Variants in PCDHA2 observed in about 807,000 individuals in gnomAD.
PCDHA2 encodes protocadherin alpha 2.
PCDHA2 carries 58 observed loss-of-function variants against 66.0 expected under a neutral mutation model. That is an observed-to-expected ratio of 0.88 (90% CI 0.71 to 1.09). PCDHA2 has a LOEUF of 1.09. Ranked by LOEUF, PCDHA2 falls within the 50% of genes least tolerant of loss-of-function variation. The pLI, the probability that PCDHA2 is intolerant of heterozygous loss-of-function variation, is 0.00. For missense variants in PCDHA2, 1,267 were observed against 1,242.3 expected, an observed-to-expected ratio of 1.02 and a Z score of -0.30; for synonymous variants, 634 against 554.0, an observed-to-expected ratio of 1.14 and a Z score of -2.03.
chr5:140,841,116 T>G, intron 1 of PCDHA2: 1 of 615,478 alleles, frequency 1.6e-6, no homozygotes, highest in Admixed American at 3.3e-5. Context: ...GTAATTCATG[T>G]AATCATTACC....
At chr5:140,882,854 C>T in intron 1 of PCDHA2, 1 of 1,614,196 alleles carries the variant, frequency 6.2e-7, no homozygotes, top group African/African-American at 1.3e-5. Context: ...ATCACTTGTA[C>T]TGAGGAAAAC....
At chr5:140,915,694 G>A (rs2077262169) in intron 1 of PCDHA2, among the ~76,000 whole-genome samples, 1 of 151,538 alleles carries the variant, frequency 6.6e-6, no homozygotes, top group African/African-American at 2.4e-5. Flanking sequence ...GTATGGTGAT[G>A]CAAGCACTCC....
At chr5:140,871,116 C>T (rs200344692) in intron 1 of PCDHA2, 44 of 1,613,146 alleles carry the variant, frequency 2.7e-5, no homozygotes, top group Non-Finnish European at 3.6e-5. Flanking sequence ...TGGTGGAGAG[C>T]GGACAGGCGC....
At chr5:140,908,013 G>A (rs2073743163) in intron 1 of PCDHA2, among the ~76,000 whole-genome samples, 1 of 152,070 alleles carries the variant, frequency 6.6e-6, no homozygotes, top group Non-Finnish European at 1.5e-5. Context: ...CAAACCACTG[G>A]CTACAGCCCA....
chr5:140,821,502 A>G (rs910748629), intron 1 of PCDHA2: 2 of 346,068 alleles, frequency 5.8e-6, no homozygotes, highest in South Asian at 1.4e-4. Flanking sequence ...ATTGACGAAT[A>G]TAAGCTAAAT....
chr5:140,887,335 A>G (rs1360547523), intron 1 of PCDHA2, among the ~76,000 whole-genome samples: 1 of 152,102 alleles, frequency 6.6e-6, no homozygotes, highest in African/African-American at 2.4e-5. Flanking sequence ...TGACCTCGTG[A>G]TCCACCTGGC....
At position 140,842,891 on chromosome 5, in the gene PCDHA2, G is replaced by T. The variant is rs2150347390; in HGVS notation, c.2388+45539G>T. On this transcript the variant is annotated intron_variant, in intron 1 of 3. Transcript: ENST00000526136. ...CAAGGTGTACGCGCTGCAGCCGCTGGACCACGAGGAGCTAGAGCTGCTGCA... is the reference window on the plus strand; with the variant it reads ...CAAGGTGTACGCGCTGCAGCCGCTGTACCACGAGGAGCTAGAGCTGCTGCA... 1.1e-5 allele frequency: 18 copies of T among 1,594,150 alleles called. No homozygotes were observed. The Admixed American group carries it at 3.0e-4, about 27-fold the overall frequency.
chr5:140,830,345 C>A lies in PCDHA2; in HGVS notation c.2388+32993C>A, dbSNP rs1275311628. ...CGCAGTGGGGAGCTGGTCGTACTCG[C>A]AGCAGAGGCGGCAGAGGGTGTGCTC... On this transcript the variant is annotated intron_variant, in intron 1 of 3. Transcript: ENST00000526136. 1.2e-6 allele frequency: 2 copies of A among 1,613,980 alleles called. No individual in the cohort carries two copies. Among genetic ancestry groups the A allele is most frequent in the African/African-American group, 2.7e-5 (2 of 74,922 alleles).
chr5:140,897,762 A>C (rs572488219), intron 1 of PCDHA2, among the ~76,000 whole-genome samples: 15 of 152,204 alleles, frequency 9.9e-5, no homozygotes, highest in African/African-American at 2.7e-4. Context: ...AGGAATCGCC[A>C]CACTGACTTC....
At chr5:141,007,299 T>C (rs550659664) in intron 3 of PCDHA2, among the ~76,000 whole-genome samples, 9 of 151,686 alleles carry the variant, frequency 5.9e-5, no homozygotes, top group African/African-American at 2.2e-4. Context: ...GCCTGTAATC[T>C]TAGCATTTTG....
chr5:140,869,348 G>A (rs782687742), intron 1 of PCDHA2: 1 of 1,614,066 alleles, frequency 6.2e-7, no homozygotes, highest in South Asian at 1.1e-5. Context: ...CTGCAGAATG[G>A]CATTTTGTTT....
intron 1 of PCDHA2, chr5:140,870,673 C>T (rs1554164562): frequency 1.9e-6 from 3 of 1,612,666 alleles, no homozygotes; most frequent in Non-Finnish European, 1.7e-6. Context: ...GCCGTTGGAC[C>T]ACGAGGAGCT....
chr5:140,814,632 A>G (rs1300426285), intron 1 of PCDHA2: 1 of 152,144 alleles, frequency 6.6e-6, no homozygotes, highest in Non-Finnish European at 1.5e-5. Context: ...TGGTAGTGCA[A>G]TAGGTTTGTT....
chr5:140,907,066 G>A (rs748785005), intron 1 of PCDHA2, among the ~76,000 whole-genome samples: 6 of 152,096 alleles, frequency 3.9e-5, no homozygotes, highest in Non-Finnish European at 8.8e-5. Context: ...TTTACTAGTG[G>A]GTCACTAGGG....
In PCDHA2 at chr5:140,968,789, G is replaced by A. The variant is rs782339889; in HGVS notation, c.2389-10160G>A. 16 of 1,614,060 alleles carry A rather than the reference G, an allele frequency of 9.9e-6. No individual in the cohort carries two copies. In the African/African-American group the frequency reaches 1.7e-4, roughly 18 times the overall value. On this transcript the variant is annotated intron_variant, in intron 1 of 3. Transcript: ENST00000526136. The stretch of plus-strand genomic sequence containing the variant: ...AGAGCCATCACTATCAGCCTCTGTG[G>A]CCATTACAGTAGCTGTGGTGGATAG...
chr5:140,902,258 G>A (rs1389556264), intron 1 of PCDHA2, among the ~76,000 whole-genome samples: 2 of 137,592 alleles, frequency 1.5e-5, no homozygotes, highest in African/African-American at 5.6e-5. Context: ...GGCTGGTCTC[G>A]AACTCCTGGG....
intron 1 of PCDHA2, chr5:140,823,532 C>A (rs138704270): frequency 3.1e-6 from 5 of 1,613,746 alleles, no homozygotes; most frequent in Admixed American, 1.7e-5. Flanking sequence ...TCAGTGGGTG[C>A]GGGCCACGTG....
At chr5:140,862,093 G>C (rs1554155665) in intron 1 of PCDHA2, 1 of 156,518 alleles carries the variant, frequency 6.4e-6, no homozygotes, top group African/African-American at 2.4e-5. Flanking sequence ...GCCCTTTTTC[G>C]CATAGATTCA....
At chr5:141,009,169 C>T (rs782079623) in intron 3 of PCDHA2, among the ~76,000 whole-genome samples, 13 of 152,186 alleles carry the variant, frequency 8.5e-5, no homozygotes, top group Non-Finnish European at 1.3e-4. Flanking sequence ...TAAATACTGG[C>T]CTTGGCTGGG....
Sources: gnomAD v4.1 joint callset for allele counts (sites outside exome capture counted in the v4.1 genomes callset) on GRCh38, gnomAD v4.1.1 for gene constraint, MANE v1.5 for transcripts, NCBI Gene and HGNC (gene_info 2026-07-23, HGNC 2026-07-21) for gene names.